The following FBXL7 variants were observed in gnomAD, a reference collection of about 807,000 sequenced individuals.
The protein encoded by FBXL7 is F-box and leucine rich repeat protein 7, also known as F-box/LRR-repeat protein 7.
FBXL7 carries 12 observed loss-of-function variants against 38.3 expected under a neutral mutation model. The observed-to-expected ratio is 0.31, with a 90% CI of 0.20 to 0.51. The LOEUF is 0.51. Among genes scored for constraint, FBXL7 ranks in the 20% least tolerant of loss-of-function variants. FBXL7 has a pLI of 0.98. For synonymous variants in FBXL7, 297 were observed against 300.9 expected, an observed-to-expected ratio of 0.99 and a Z score of 0.13; for missense variants, 567 against 676.4, an observed-to-expected ratio of 0.84 and a Z score of 1.79.
intron 2 of FBXL7, among the ~76,000 whole-genome samples, chr5:15,619,022 T>C (rs2964273): frequency 0.46 from 70,479 of 151,950 alleles, 17,287 homozygotes; most frequent in African/African-American, 0.63. Flanking sequence ...CATTTAACGG[T>C]GATCCTAGGA....
At chr5:15,561,015 C>CATGTTT (rs1491560127) in intron 1 of FBXL7, among the ~76,000 whole-genome samples, 2 of 152,156 alleles carry the variant, frequency 1.3e-5, no homozygotes, top group East Asian at 3.8e-4. Flanking sequence ...TCCATCATCT[C>CATGTTT]ACATGTTTCC....
intron 2 of FBXL7, among the ~76,000 whole-genome samples, chr5:15,700,459 A>G (rs1743486860): frequency 6.6e-6 from 1 of 152,218 alleles, no homozygotes; most frequent in Non-Finnish European, 1.5e-5. Context: ...GATAATTCCA[A>G]TTGCATGTCC....
intron 2 of FBXL7, among the ~76,000 whole-genome samples, chr5:15,810,893 A>C (rs1190428039): frequency 1.3e-5 from 2 of 152,202 alleles, no homozygotes; most frequent in Non-Finnish European, 2.9e-5. Context: ...CTTAACACAT[A>C]TCTCTCAAGT....
At chr5:15,781,956 T>C (rs562925805) in intron 2 of FBXL7, among the ~76,000 whole-genome samples, 5 of 152,234 alleles carry the variant, frequency 3.3e-5, no homozygotes, top group African/African-American at 9.6e-5. Flanking sequence ...CATTAGGTAT[T>C]TCTCGTAATG....
At chr5:15,655,212 T>C (rs2126575944) in intron 2 of FBXL7, among the ~76,000 whole-genome samples, 1 of 152,312 alleles carries the variant, frequency 6.6e-6, no homozygotes, top group Middle Eastern at 3.4e-3. Context: ...AATATAACTT[T>C]TGGCTGGGTG....
At chr5:15,583,410 C>T (rs942510326) in intron 1 of FBXL7, among the ~76,000 whole-genome samples, 1 of 152,178 alleles carries the variant, frequency 6.6e-6, no homozygotes, top group South Asian at 2.1e-4. Flanking sequence ...TCCAAAGTCT[C>T]ATCTGAGAGA....
At chr5:15,891,719 A>T (rs1740910315) in intron 2 of FBXL7, among the ~76,000 whole-genome samples, 1 of 152,184 alleles carries the variant, frequency 6.6e-6, no homozygotes, top group Non-Finnish European at 1.5e-5. Context: ...CCCAGTTTAG[A>T]TCCCAGCAGG....
chr5:15,792,870 T>C (rs1737313298), intron 2 of FBXL7, among the ~76,000 whole-genome samples: 1 of 152,058 alleles, frequency 6.6e-6, no homozygotes. Flanking sequence ...ACCAGTGGGG[T>C]TCCCAACCCT....
At chr5:15,735,954 G>T (rs1735738101) in intron 2 of FBXL7, among the ~76,000 whole-genome samples, 1 of 152,204 alleles carries the variant, frequency 6.6e-6, no homozygotes, top group African/African-American at 2.4e-5. Flanking sequence ...GTTTTACAGG[G>T]TGATATTTGT....
chr5:15,755,501 A>T (rs1399120803), intron 2 of FBXL7, among the ~76,000 whole-genome samples: 1 of 152,182 alleles, frequency 6.6e-6, no homozygotes, highest in Non-Finnish European at 1.5e-5. Flanking sequence ...TCTAATGAGT[A>T]GGTTAGATTA....
intron 1 of FBXL7, among the ~76,000 whole-genome samples, chr5:15,603,070 C>A (rs1739854927): frequency 2.0e-5 from 3 of 152,120 alleles, no homozygotes; most frequent in African/African-American, 7.2e-5. Context: ...GAACTCCTGG[C>A]CTCAAATGAT....
intron 2 of FBXL7, among the ~76,000 whole-genome samples, chr5:15,684,578 G>C (rs971752459): frequency 6.6e-6 from 1 of 152,182 alleles, no homozygotes; most frequent in Non-Finnish European, 1.5e-5. Flanking sequence ...TACAGATCTT[G>C]AGATACAGAG....
intron 2 of FBXL7, among the ~76,000 whole-genome samples, chr5:15,849,269 C>A (rs1739020606): frequency 6.6e-6 from 1 of 152,182 alleles, no homozygotes; most frequent in Non-Finnish European, 1.5e-5. Context: ...TTTGTTTTTT[C>A]TCTTCATTGC....
At chr5:15,866,231 T>C (rs1267605994) in intron 2 of FBXL7, among the ~76,000 whole-genome samples, 1 of 152,232 alleles carries the variant, frequency 6.6e-6, no homozygotes, top group Non-Finnish European at 1.5e-5. Flanking sequence ...ACATGTTATT[T>C]GTCACATGTA....
At position 15,574,751 on chromosome 5, in the gene FBXL7, G is replaced by A. The variant is rs1351186337; in HGVS notation, c.38-41232G>A. Among the ~76,000 whole-genome samples the A allele has an allele frequency of 4.6e-5, 7 of 152,106 alleles. No individual in the cohort carries two copies. In the South Asian group the frequency reaches 1.0e-3, roughly 23 times the overall value. On this transcript the variant is annotated intron_variant, in intron 1 of 3. Transcript: ENST00000504595. ...TTACCCTTGGGCTTTGGGCTGGAGC[G>A]TTCTGGTAGCTACCAACCTTAGGTC...
At chr5:15,723,068 A>G (rs944638637) in intron 2 of FBXL7, among the ~76,000 whole-genome samples, 12 of 152,240 alleles carry the variant, frequency 7.9e-5, no homozygotes, top group African/African-American at 2.4e-4. Context: ...TAAATATTTT[A>G]TAAAATATTA....
At chr5:15,814,487 G>A (rs772707154) in intron 2 of FBXL7, among the ~76,000 whole-genome samples, 1 of 151,872 alleles carries the variant, frequency 6.6e-6, no homozygotes, top group South Asian at 2.1e-4. Context: ...AATATGGGTC[G>A]ATGGGTGCAG....
At chr5:15,539,566 G>A (rs191710172) in intron 1 of FBXL7, among the ~76,000 whole-genome samples, 2 of 152,172 alleles carry the variant, frequency 1.3e-5, no homozygotes, top group African/African-American at 4.8e-5. Flanking sequence ...GCAGACTGAG[G>A]ACTCTTGGTC....
chr5:15,625,525 G>A (rs1392782460), intron 2 of FBXL7, among the ~76,000 whole-genome samples: 1 of 152,100 alleles, frequency 6.6e-6, no homozygotes, highest in Non-Finnish European at 1.5e-5. Flanking sequence ...GTAGTGGCAT[G>A]CATCTGTAAT....
Sources: gnomAD v4.1 joint callset for allele counts (sites outside exome capture counted in the v4.1 genomes callset) on GRCh38, gnomAD v4.1.1 for gene constraint, MANE v1.5 for transcripts, NCBI Gene and HGNC (gene_info 2026-07-23, HGNC 2026-07-21) for gene names.